Variants in ARB2A observed in about 807,000 individuals in gnomAD.
ARB2A encodes cotranscriptional regulator ARB2A.
At chr5:93,966,776 GTCTCACCTCTA>G in the ARB2A span, among the ~76,000 whole-genome samples, 2 of 152,046 alleles carry the variant, frequency 1.3e-5, no homozygotes, top group Non-Finnish European at 2.9e-5. Flanking sequence ...ATGGCAAAGT[GTCTCACCTCTA>G]TTTGCCTCTG....
At chr5:93,974,755 T>TA in the ARB2A span, among the ~76,000 whole-genome samples, 2 of 151,842 alleles carry the variant, frequency 1.3e-5, no homozygotes, top group Non-Finnish European at 2.9e-5. Flanking sequence ...ATAAAATAAA[T>TA]AAAAAATGAA....
the ARB2A span, among the ~76,000 whole-genome samples, chr5:94,045,752 A>C: frequency 6.6e-6 from 1 of 152,336 alleles, no homozygotes; most frequent in East Asian, 1.9e-4. Context: ...GTATTTTTTA[A>C]AAATGCAATG....
chr5:93,961,772 G>A, the ARB2A span, among the ~76,000 whole-genome samples: 2 of 152,060 alleles, frequency 1.3e-5, no homozygotes, highest in Non-Finnish European at 2.9e-5. Flanking sequence ...AGGTAGCCAT[G>A]AATAAATTAA....
At chr5:93,818,268 G>C in the ARB2A span, among the ~76,000 whole-genome samples, 3 of 152,094 alleles carry the variant, frequency 2.0e-5, no homozygotes, top group African/African-American at 7.2e-5. Context: ...GGGAGAAATG[G>C]GTAATGGGTA....
the ARB2A span, among the ~76,000 whole-genome samples, chr5:93,628,603 ATCT>A: frequency 6.6e-6 from 1 of 152,184 alleles, no homozygotes; most frequent in African/African-American, 2.4e-5. Context: ...TCTTAGCTAG[ATCT>A]TCTGGATAAC....
chr5:93,991,832 G>T, the ARB2A span, among the ~76,000 whole-genome samples: 11 of 151,882 alleles, frequency 7.2e-5, no homozygotes, highest in Non-Finnish European at 1.5e-4. Flanking sequence ...ATTGTGGATG[G>T]GAGAAAAGAT....
chr5:93,770,822 G>T, the ARB2A span, among the ~76,000 whole-genome samples: 1 of 152,130 alleles, frequency 6.6e-6, no homozygotes, highest in Admixed American at 6.5e-5. Flanking sequence ...ACAAATGGAA[G>T]AACATTCCAT....
chr5:94,110,635 G>A, the ARB2A span, among the ~76,000 whole-genome samples: 3 of 152,138 alleles, frequency 2.0e-5, no homozygotes, highest in Non-Finnish European at 2.9e-5. Flanking sequence ...CAGTGTAACC[G>A]TCCCTCGCAT....
the ARB2A span, among the ~76,000 whole-genome samples, chr5:93,802,651 T>A: frequency 6.6e-6 from 1 of 152,104 alleles, no homozygotes; most frequent in African/African-American, 2.4e-5. Context: ...AAGATTGCTA[T>A]GTGCATTTAA....
chr5:94,071,308 G>C, the ARB2A span, among the ~76,000 whole-genome samples: 1 of 151,978 alleles, frequency 6.6e-6, no homozygotes, highest in Non-Finnish European at 1.5e-5. Context: ...GAATGCATAG[G>C]AGAAAACCTT....
At chr5:93,790,609 G>A in the ARB2A span, among the ~76,000 whole-genome samples, 1 of 152,172 alleles carries the variant, frequency 6.6e-6, no homozygotes, top group African/African-American at 2.4e-5. Flanking sequence ...CAATACTGTG[G>A]TAGTTCTACT....
At chr5:93,643,682 C>T in the ARB2A span, among the ~76,000 whole-genome samples, 1 of 151,962 alleles carries the variant, frequency 6.6e-6, no homozygotes, top group African/African-American at 2.4e-5. Context: ...TTAGTAGAGA[C>T]AGGGTTTCTC....
chr5:93,647,895 C>T, the ARB2A span, among the ~76,000 whole-genome samples: 1 of 152,136 alleles, frequency 6.6e-6, no homozygotes, highest in Non-Finnish European at 1.5e-5. Context: ...GTAATCCCAG[C>T]ACTTTGGGTG....
the ARB2A span, among the ~76,000 whole-genome samples, chr5:93,864,656 T>C: frequency 6.6e-6 from 1 of 152,204 alleles, no homozygotes; most frequent in South Asian, 2.1e-4. Flanking sequence ...TAAGTTGTAT[T>C]TAGTACAGAA....
chr5:93,798,038 G>C, the ARB2A span, among the ~76,000 whole-genome samples: 1 of 152,016 alleles, frequency 6.6e-6, no homozygotes, highest in Non-Finnish European at 1.5e-5. Flanking sequence ...ACTCCTTGAG[G>C]GGAACGTTTA....
At chr5:94,022,690 A>G in the ARB2A span, among the ~76,000 whole-genome samples, 1 of 152,250 alleles carries the variant, frequency 6.6e-6, no homozygotes, top group Admixed American at 6.5e-5. Flanking sequence ...CAAAGAGAGA[A>G]CTCATGAAGT....
chr5:93,988,027 G>A, the ARB2A span, among the ~76,000 whole-genome samples: 1 of 152,102 alleles, frequency 6.6e-6, no homozygotes, highest in Non-Finnish European at 1.5e-5. Context: ...AAGCCTAAGT[G>A]TTTAACACCT....
chr5:93,703,230 GGC>G, the ARB2A span, among the ~76,000 whole-genome samples: 2 of 152,134 alleles, frequency 1.3e-5, no homozygotes, highest in African/African-American at 4.8e-5. Flanking sequence ...CTGCTACCAT[GGC>G]AAACCTTCAG....
At chr5:93,709,290 T>C in the ARB2A span, among the ~76,000 whole-genome samples, 47 of 152,210 alleles carry the variant, frequency 3.1e-4, no homozygotes, top group African/African-American at 1.1e-3. Context: ...ATACTAAAAT[T>C]CTTTCTCAAC....
Sources: gnomAD v4.1 joint callset for allele counts (sites outside exome capture counted in the v4.1 genomes callset) on GRCh38, gnomAD v4.1.1 for gene constraint, MANE v1.5 for transcripts, NCBI Gene and HGNC (gene_info 2026-07-23, HGNC 2026-07-21) for gene names.